ABCA2: variants seen among roughly 807,000 people sequenced by gnomAD.
ABCA2 encodes the protein ATP-binding cassette sub-family A member 2.
In ABCA2, 84 loss-of-function variants were observed where a neutral mutation model predicts 262.8. The observed-to-expected ratio is 0.32, with a 90% CI of 0.27 to 0.38. The LOEUF is 0.38. ABCA2 is among the 10% of genes least tolerant of loss of function. The pLI is 1.00. For synonymous variants in ABCA2, 1,696 were observed against 1,502.9 expected, an observed-to-expected ratio of 1.13 and a Z score of -2.97; for missense variants, 2,662 against 3,405.9, an observed-to-expected ratio of 0.78 and a Z score of 5.44.
intron 17 of ABCA2, 50 bp downstream of exon 17, chr9:137,017,452 T>C: frequency 1.3e-6 from 2 of 1,596,224 alleles, no homozygotes; most frequent in Non-Finnish European, 1.7e-6. Flanking sequence ...GGGGTGAGCT[T>C]GCTGGGCAAG....
At chr9:137,017,737 C>T (rs771271693) in intron 16 of ABCA2, 45 bp from the exon 17 acceptor site, 16 of 1,608,294 alleles carry the variant, frequency 9.9e-6, no homozygotes, top group East Asian at 8.9e-5. Context: ...GGGAGGACGC[C>T]GCCCCTCCCT....
chr9:137,021,090 C>T lies in ABCA2; in HGVS notation c.898-29G>A, dbSNP rs45551734. 97,306 of 1,458,930 alleles carry T rather than the reference C, an allele frequency of 0.067. 3,536 individuals are homozygous for T. Among genetic ancestry groups the T allele is most frequent in the Non-Finnish European group, 0.073 (80,572 of 1,106,514 alleles). The allele number at this position is 1,458,930 out of a possible 1,614,324, so 90.4% of individuals were successfully genotyped here. A position where few individuals can be genotyped will look rare whatever the true frequency, so the allele number is the denominator to read the frequency against. On this transcript the variant is annotated intron_variant, in intron 8 of 48. Transcript: ENST00000341511. This position sits in a 1 kb window ranked among gnomAD's most constrained non-coding sequence, Gnocchi z 6.0. ...AGGGGAAACAGGCACGTGGGCAGTG[C>T]GGGGTGAGATGGACTGCAGGTGGGT...
Position 137,011,133 on chromosome 9 carries a change from C to T in ABCA2, c.5924-28G>A. ...GCGGGGAGACAGCTCAGGGCCTGTG[C>T]TCTGGGCCTTGCGGGGCCCCCACCG... is the stretch of plus-strand genomic sequence containing the variant. On this transcript the variant is annotated intron_variant, in intron 38 of 48. Coordinates refer to ENST00000341511, the MANE Select transcript of ABCA2 (RefSeq NM_001606.5). This position sits in a 1 kb window ranked among gnomAD's most constrained non-coding sequence, Gnocchi z 8.8. 2 of 1,612,274 alleles carry T rather than the reference C, an allele frequency of 1.2e-6. No homozygotes were observed. Among genetic ancestry groups the T allele is most frequent in the Non-Finnish European group, 1.7e-6 (2 of 1,179,732 alleles).
chr9:137,025,272 C>A (rs1279413593), intron 1 of ABCA2, among the ~76,000 whole-genome samples: 1 of 152,226 alleles, frequency 6.6e-6, no homozygotes, highest in Non-Finnish European at 1.5e-5. Flanking sequence ...GTTCTTGTGT[C>A]CCAGCCCCCA....
chr9:137,023,558 C>T, intron 3 of ABCA2: 3 of 744,534 alleles, frequency 4.0e-6, no homozygotes, highest in Non-Finnish European at 4.9e-6. Flanking sequence ...AGCCCAGAAG[C>T]CGAGGCACCC....
Position 137,022,938 on chromosome 9 carries a change from C to T in ABCA2, c.275+3G>A. 1 of 1,569,328 alleles carries T rather than the reference C, an allele frequency of 6.4e-7. No individual in the cohort carries two copies. The highest frequency in any genetic ancestry group is 2.3e-5 in the East Asian group (1 of 42,592). On this transcript the variant is annotated splice_donor_region_variant and intron_variant, in intron 4 of 48. Coordinates refer to ENST00000341511, the MANE Select transcript of ABCA2 (RefSeq NM_001606.5). ...GTGCTCCGAGGGGCGGGTGGGCACTCACGTGGAGTTGGCGTACTGCAGGAA... is the reference window on the plus strand; with the variant it reads ...GTGCTCCGAGGGGCGGGTGGGCACTTACGTGGAGTTGGCGTACTGCAGGAA...
chr9:137,008,250 C>T (rs748668007), intron 48 of ABCA2, 166 bp downstream of exon 48: 1 of 883,932 alleles, frequency 1.1e-6, no homozygotes, highest in Non-Finnish European at 1.8e-6. Flanking sequence ...AGTTACGTCT[C>T]TCCAGGCCTA....
chr9:137,027,645 C>T (rs532434554), intron 1 of ABCA2: 1 of 152,536 alleles, frequency 6.6e-6, no homozygotes, highest in African/African-American at 2.4e-5. Flanking sequence ...GACAGGGTCT[C>T]CTCCGGGACC....
At chr9:137,017,163 C>T (rs1554737030) in intron 18 of ABCA2, 33 bp downstream of exon 18, 1 of 1,611,716 alleles carries the variant, frequency 6.2e-7, no homozygotes, top group East Asian at 2.2e-5. Flanking sequence ...GGTGGCCCGG[C>T]ACCCCAGCCG....
chr9:137,013,324 G>C lies in ABCA2; in HGVS notation c.4551-6C>G. On this transcript the variant is annotated splice_polypyrimidine_tract_variant and splice_region_variant and intron_variant, in intron 29 of 48. Transcript: ENST00000341511. ...CGTCGGGCGATAGCCGCAGCCTGCG[G>C]GCACCGACAGTGTGAGGTGGGGCTG... 1 of 1,541,162 alleles carries C rather than the reference G, an allele frequency of 6.5e-7. No individual in the cohort carries two copies. The highest frequency in any genetic ancestry group is 8.7e-7 in the Non-Finnish European group (1 of 1,150,274).
chr9:137,013,744 C>T, intron 28 of ABCA2, 88 bp downstream of exon 28: 1 of 1,458,486 alleles, frequency 6.9e-7, no homozygotes, highest in Non-Finnish European at 9.3e-7. Flanking sequence ...GGCCCAGAGT[C>T]AGGAAGCTCA....
Position 137,019,161 on chromosome 9 carries a change from G to A in ABCA2, c.1554+17C>T, listed in dbSNP as rs774507849. On this transcript the variant is annotated intron_variant, in intron 11 of 48. Coordinates refer to ENST00000341511, the MANE Select transcript of ABCA2 (RefSeq NM_001606.5). This position sits in a 1 kb window ranked among gnomAD's most constrained non-coding sequence, Gnocchi z 4.4. ...CACACCACCCACAGCCGCCTCCCTCGCGGGCACCCTTGGCACCTGCTGCAG... is the reference window on the plus strand; with the variant it reads ...CACACCACCCACAGCCGCCTCCCTCACGGGCACCCTTGGCACCTGCTGCAG... 10 of 1,608,260 alleles carry A rather than the reference G, an allele frequency of 6.2e-6. No homozygotes were observed. The highest frequency in any genetic ancestry group is 3.3e-5 in the Admixed American group (2 of 59,750).
At position 137,019,368 on chromosome 9, in the gene ABCA2, T is replaced by TC. The variant is rs1420575697; in HGVS notation, c.1426-63dup. The TC allele has an allele frequency of 2.5e-6, 4 of 1,571,422 alleles. No individual in the cohort carries two copies. The African/African-American group carries it at 4.1e-5, about 16-fold the overall frequency. ...CGGACCCCCACCGACTTGGGGGCTC[T>TC]CACCCCACTCACCTCCCCAGTGGCT... On this transcript the variant is annotated intron_variant, in intron 10 of 48. Transcript: ENST00000341511. The surrounding 1 kb of genome is among the most constrained non-coding windows in gnomAD (Gnocchi z 4.4).
At position 137,011,160 on chromosome 9, in the gene ABCA2, C is replaced by T; in HGVS notation, c.5923+26G>A. ...CTGGGCCTTGCGGGGCCCCCACCGCCTTCCCCGCCCCACGGGCCCCCTCAC... is the reference window on the plus strand; with the variant it reads ...CTGGGCCTTGCGGGGCCCCCACCGCTTTCCCCGCCCCACGGGCCCCCTCAC... On this transcript the variant is annotated intron_variant, in intron 38 of 48. Coordinates refer to ENST00000341511, the MANE Select transcript of ABCA2 (RefSeq NM_001606.5). This position sits in a 1 kb window ranked among gnomAD's most constrained non-coding sequence, Gnocchi z 8.8. 2 of 1,612,400 alleles carry T rather than the reference C, an allele frequency of 1.2e-6. No individual in the cohort carries two copies. Among genetic ancestry groups the T allele is most frequent in the Non-Finnish European group, 1.7e-6 (2 of 1,179,762 alleles).
intron 26 of ABCA2, 89 bp downstream of exon 26, chr9:137,014,601 C>T (rs1191213281): frequency 5.9e-6 from 9 of 1,520,550 alleles, no homozygotes; most frequent in South Asian, 1.3e-5. Context: ...CAGGGTGGCG[C>T]CCCCAGACAC....
chr9:137,023,776 G>A (rs1424685385), intron 3 of ABCA2, 62 bp downstream of exon 3: 6 of 728,304 alleles, frequency 8.2e-6, no homozygotes, highest in African/African-American at 5.2e-5. Flanking sequence ...AAGCCAGGAC[G>A]GCCCATGGGC....
chr9:137,023,144 G>T, intron 3 of ABCA2, 92 bp from the exon 4 acceptor site: 2 of 968,700 alleles, frequency 2.1e-6, no homozygotes, highest in Non-Finnish European at 3.1e-6. Context: ...AGGCCGAGAG[G>T]AGAAATTTAG....
At chr9:137,023,487 A>G in intron 3 of ABCA2, 1 of 732,802 alleles carries the variant, frequency 1.4e-6, no homozygotes, top group Non-Finnish European at 2.5e-6. Flanking sequence ...AGGAGTATGA[A>G]GGGAGAGTAG....
chr9:137,012,412 C>T (rs369987010), intron 32 of ABCA2, 36 bp from the exon 33 acceptor site: 4 of 1,609,086 alleles, frequency 2.5e-6, no homozygotes, highest in Admixed American at 1.7e-5. Flanking sequence ...GGCCCCAGGA[C>T]CTCAGACCTG....
Sources: gnomAD v4.1 joint callset for allele counts (sites outside exome capture counted in the v4.1 genomes callset) on GRCh38, gnomAD v4.1.1 for gene constraint, Gnocchi (gnomAD v3.1) non-coding constraint, MANE v1.5 for transcripts, NCBI Gene and HGNC (gene_info 2026-07-23, HGNC 2026-07-21) for gene names.